Variants in SLC35F4 observed in about 807,000 individuals in gnomAD.
SLC35F4 encodes the protein solute carrier family 35 member F4, also known as chromosome 14 open reading frame 36.
In SLC35F4, 24 loss-of-function variants were observed where a neutral mutation model predicts 44.2. That is an observed-to-expected ratio of 0.54 (90% confidence interval 0.39 to 0.76). The LOEUF is 0.76. Among genes scored for constraint, SLC35F4 ranks in the 30% least tolerant of loss-of-function variants. The pLI, the probability that SLC35F4 is intolerant of heterozygous loss-of-function variation, is 0.00. For missense variants in SLC35F4, 562 were observed against 586.1 expected (o/e 0.96, Z 0.42); for synonymous variants, 238 against 223.6 (o/e 1.06, Z -0.57).
chr14:57,834,226 G>C (rs1021456720), intron 1 of SLC35F4, among the ~76,000 whole-genome samples: 2 of 152,200 alleles, frequency 1.3e-5, no homozygotes, highest in African/African-American at 4.8e-5. Context: ...AATTGAGAAA[G>C]AGTGGGTACT....
chr14:57,949,571 T>C (rs770270939), intron 1 of SLC35F4, among the ~76,000 whole-genome samples: 15 of 152,178 alleles, frequency 9.9e-5, no homozygotes, highest in Non-Finnish European at 2.1e-4. Context: ...ATCATGCTAG[T>C]TGTTGCCTAA....
At chr14:57,906,379 T>C (rs1889103717) in intron 1 of SLC35F4, among the ~76,000 whole-genome samples, 1 of 152,244 alleles carries the variant, frequency 6.6e-6, no homozygotes, top group Non-Finnish European at 1.5e-5. Context: ...CACATCTCTC[T>C]GTATCAGTCA....
At chr14:57,961,178 C>T (rs934548357) in intron 1 of SLC35F4, among the ~76,000 whole-genome samples, 2 of 152,112 alleles carry the variant, frequency 1.3e-5, no homozygotes, top group African/African-American at 2.4e-5. Flanking sequence ...GTTACTCAGC[C>T]GTGCGCACCC....
chr14:57,690,624 T>C (rs1370183063), intron 1 of SLC35F4, among the ~76,000 whole-genome samples: 1 of 151,930 alleles, frequency 6.6e-6, no homozygotes, highest in Non-Finnish European at 1.5e-5. Context: ...CACTGTAATA[T>C]ACAAAAAATA....
chr14:57,699,078 G>A (rs1453997986), intron 1 of SLC35F4, among the ~76,000 whole-genome samples: 1 of 152,168 alleles, frequency 6.6e-6, no homozygotes, highest in Non-Finnish European at 1.5e-5. Flanking sequence ...TTTTAAGTAA[G>A]ATGTAAGTCT....
chr14:57,626,127 A>G (rs991694072), intron 1 of SLC35F4, among the ~76,000 whole-genome samples: 6 of 146,348 alleles, frequency 4.1e-5, no homozygotes, highest in Non-Finnish European at 9.0e-5. Context: ...AACAATGAGA[A>G]CACATGGACA....
chr14:57,819,362 A>G (rs1882926569), intron 1 of SLC35F4, among the ~76,000 whole-genome samples: 2 of 152,174 alleles, frequency 1.3e-5, no homozygotes, highest in Admixed American at 1.3e-4. Flanking sequence ...ATGTTTAACA[A>G]TAAGGAGAAT....
chr14:57,611,836 G>T (rs1041176719), intron 1 of SLC35F4, among the ~76,000 whole-genome samples: 2 of 152,116 alleles, frequency 1.3e-5, no homozygotes, highest in Admixed American at 1.3e-4. Flanking sequence ...ACATGGGAGA[G>T]TTCCAGCTAG....
rs531028260 is a variant in SLC35F4 at position 57,674,861 on chromosome 14, C to T, written c.104-80737G>A. Among the ~76,000 whole-genome samples the T allele has an allele frequency of 1.1e-3, 168 of 152,214 alleles. 4 individuals carry two copies. Among genetic ancestry groups the T allele is most frequent in the African/African-American group, 3.6e-3 (148 of 41,486 alleles). ...CCTGCACAGGCAGTGAAGAGGATCCCTAAGCTTAGTGAACCTGCATCTTCT... is the reference window on the plus strand; with the variant it reads ...CCTGCACAGGCAGTGAAGAGGATCCTTAAGCTTAGTGAACCTGCATCTTCT... On this transcript the variant is annotated intron_variant, in intron 1 of 7. Transcript: ENST00000556826.
At chr14:57,927,583 A>G (rs1889605047) in intron 1 of SLC35F4, among the ~76,000 whole-genome samples, 2 of 151,088 alleles carry the variant, frequency 1.3e-5, no homozygotes, top group Admixed American at 6.6e-5. Flanking sequence ...CTCTACATCC[A>G]GGGTTCAAAT....
At chr14:57,640,996 A>G (rs991017883) in intron 1 of SLC35F4, among the ~76,000 whole-genome samples, 16 of 151,998 alleles carry the variant, frequency 1.1e-4, no homozygotes, top group African/African-American at 3.9e-4. Flanking sequence ...ACACCAATAT[A>G]ATGGTTTTCT....
chr14:57,961,885 A>G, intron 1 of SLC35F4, among the ~76,000 whole-genome samples: 1 of 152,108 alleles, frequency 6.6e-6, no homozygotes, highest in East Asian at 1.9e-4. Context: ...TTTTCTCCCT[A>G]GCTCTTATTG....
rs72713061 is a variant in SLC35F4, at chr14:57,806,505, T to A, written c.103+59218A>T. ...AGACTGGCCTGCCTCAAAAGTTATA[T>A]TAAAATAAATTGTAAATTTTGTAAT... On this transcript the variant is annotated intron_variant, in intron 1 of 7. Transcript: ENST00000556826. Among the ~76,000 whole-genome samples, 897 of 152,302 alleles carry A rather than the reference T, an allele frequency of 5.9e-3. 5 individuals carry two copies. Among genetic ancestry groups the A allele is most frequent in the South Asian group, 0.021 (103 of 4,828 alleles).
At chr14:57,652,103 T>TA (rs2073804872) in intron 1 of SLC35F4, among the ~76,000 whole-genome samples, 1 of 152,218 alleles carries the variant, frequency 6.6e-6, no homozygotes, top group African/African-American at 2.4e-5. Context: ...TCTCAGCCTG[T>TA]AACATGAATT....
At chr14:57,627,444 G>T (rs961359878) in intron 1 of SLC35F4, among the ~76,000 whole-genome samples, 10 of 151,940 alleles carry the variant, frequency 6.6e-5, no homozygotes, top group Non-Finnish European at 1.2e-4. Flanking sequence ...CTTGGACCAG[G>T]GCTAAACAAA....
At position 57,960,916 on chromosome 14, in the gene SLC35F4, C is replaced by T. The variant is rs537196347; in HGVS notation, n.282+20997G>A. Among the ~76,000 whole-genome samples the T allele has an allele frequency of 3.3e-5, 5 of 152,210 alleles. No homozygotes were observed. In the South Asian group the frequency reaches 1.0e-3, roughly 32 times the overall value. ...ACCTTGAACAAGTGTGTAAATCTGA[C>T]CTGGGGCCCCTGGGGAAATACTGCC... On this transcript the variant is annotated intron_variant and non_coding_transcript_variant, in intron 1 of 1. Transcript: ENST00000556568.
chr14:57,623,705 G>C (rs1460187986), intron 1 of SLC35F4, among the ~76,000 whole-genome samples: 2 of 152,026 alleles, frequency 1.3e-5, no homozygotes, highest in Non-Finnish European at 1.5e-5. Context: ...ATGACTACTG[G>C]GTAAATAACA....
At chr14:57,840,652 C>T (rs1425172777) in intron 1 of SLC35F4, among the ~76,000 whole-genome samples, 1 of 152,152 alleles carries the variant, frequency 6.6e-6, no homozygotes, top group East Asian at 1.9e-4. Context: ...ATCAGACCAC[C>T]TCATTATTAA....
At chr14:57,760,929 TTCTC>T (rs1008047541) in intron 1 of SLC35F4, among the ~76,000 whole-genome samples, 1 of 151,770 alleles carries the variant, frequency 6.6e-6, no homozygotes, top group Admixed American at 6.6e-5. Context: ...ATCTCTCCAT[TTCTC>T]TCTCTCTCTG....
Sources: allele counts gnomAD v4.1 joint callset (sites outside exome capture counted in the v4.1 genomes callset), GRCh38; gene constraint gnomAD v4.1.1; transcripts MANE v1.5; gene names NCBI Gene and HGNC (gene_info 2026-07-23, HGNC 2026-07-21).